Variants in MKLN1 observed in about 807,000 individuals in gnomAD.
MKLN1 encodes muskelin.
Under a neutral mutation model 99.0 loss-of-function variants are expected in MKLN1, and 18 were observed. That is an observed-to-expected ratio of 0.18 (90% CI 0.13 to 0.27). MKLN1 has a LOEUF of 0.27. Among genes scored for constraint, MKLN1 ranks in the 10% least tolerant of loss-of-function variants. MKLN1 has a pLI of 1.00. For synonymous variants in MKLN1, 288 were observed against 293.2 expected, an observed-to-expected ratio of 0.98 and a Z score of 0.18; for missense variants, 621 against 875.9, an observed-to-expected ratio of 0.71 and a Z score of 3.67.
rs1673591043 is a variant in MKLN1, at chr7:131,491,018, G to A, written c.*3290G>A. 2 of 152,130 alleles carry A rather than the reference G, an allele frequency of 1.3e-5. No individual in the cohort carries two copies. Among genetic ancestry groups the A allele is most frequent in the South Asian group, 2.1e-4 (1 of 4,810 alleles). 9.4% of individuals were successfully genotyped at this position (152,130 alleles called of 1,614,324 possible). A position where few individuals can be genotyped will look rare whatever the true frequency, so the allele number is the denominator to read the frequency against. ...TCTCTAAATTATACTCAATTTCATG[G>A]TAATTACATGAAGAAGTTACCTGCA... On this transcript the variant is annotated 3_prime_UTR_variant, in exon 18 of 18. Transcript: ENST00000352689.
rs531710562 is a variant in MKLN1, at chr7:131,196,145, T to C, written c.-296-6712T>C. ...AGTTATTAAAAATTATCACTTAGCC[T>C]CTCCACATTCAGTTGTTTTACCTAT... On this transcript the variant is annotated intron_variant, in intron 2 of 7. Coordinates refer to the MKLN1 transcript ENST00000416992. Among the ~76,000 whole-genome samples the C allele has an allele frequency of 7.2e-5, 11 of 152,302 alleles. No individual in the cohort carries two copies. In the East Asian group the frequency reaches 2.1e-3, roughly 29 times the overall value.
intron 3 of MKLN1, among the ~76,000 whole-genome samples, chr7:131,233,367 C>T (rs1797270919): frequency 3.5e-5 from 3 of 85,766 alleles, no homozygotes; most frequent in Admixed American, 2.6e-4. Flanking sequence ...GAGACCCTGT[C>T]TCCAAAAAAT....
At chr7:131,402,255 G>A (rs1794570673) in intron 6 of MKLN1, among the ~76,000 whole-genome samples, 1 of 152,114 alleles carries the variant, frequency 6.6e-6, no homozygotes, top group South Asian at 2.1e-4. Context: ...CACTTTATTT[G>A]CTCATTCATA....
chr7:131,394,619 T>A (rs1188888872), intron 4 of MKLN1, among the ~76,000 whole-genome samples: 13 of 152,140 alleles, frequency 8.5e-5, no homozygotes. Flanking sequence ...TGTACAGGTT[T>A]GGGCCTGGGG....
At chr7:131,443,737 T>G in intron 11 of MKLN1, 35 bp downstream of exon 11, 1 of 1,397,006 alleles carries the variant, frequency 7.2e-7, no homozygotes, top group Admixed American at 1.7e-5. Context: ...AAATGTTATT[T>G]TGTCATGTAT....
chr7:131,444,717 TGAGTAGTAGTAG>T (rs1563351725), intron 11 of MKLN1, among the ~76,000 whole-genome samples: 1 of 121,298 alleles, frequency 8.2e-6, no homozygotes, highest in African/African-American at 2.9e-5. Flanking sequence ...ACCTGGGTTT[TGAGTAGTAGTAG>T]TAGTAGTAGT....
intron 2 of MKLN1, among the ~76,000 whole-genome samples, chr7:131,187,883 G>A (rs1297660684): frequency 6.6e-6 from 1 of 152,148 alleles, no homozygotes; most frequent in Non-Finnish European, 1.5e-5. Flanking sequence ...TTGAACCCAG[G>A]AGGTGGAGGT....
intron 3 of MKLN1, among the ~76,000 whole-genome samples, chr7:131,295,659 A>G (rs1432990970): frequency 6.6e-6 from 1 of 152,128 alleles, no homozygotes; most frequent in Non-Finnish European, 1.5e-5. Flanking sequence ...CAAGGTGGGA[A>G]GATCACTTGA....
chr7:131,459,491 G>A (rs776476114), intron 12 of MKLN1, among the ~76,000 whole-genome samples: 1 of 152,192 alleles, frequency 6.6e-6, no homozygotes, highest in Non-Finnish European at 1.5e-5. Flanking sequence ...AGAAGAAGGT[G>A]AGAAAGAACT....
At chr7:131,475,242 G>A (rs529263431) in intron 16 of MKLN1, among the ~76,000 whole-genome samples, 8 of 152,218 alleles carry the variant, frequency 5.3e-5, no homozygotes, top group Admixed American at 2.6e-4. Context: ...TTGACAAGCC[G>A]CAACTTGATG....
At chr7:131,271,968 C>G (rs1027535055) in intron 3 of MKLN1, among the ~76,000 whole-genome samples, 21 of 152,176 alleles carry the variant, frequency 1.4e-4, no homozygotes, top group African/African-American at 4.6e-4. Flanking sequence ...GTTTATGGAA[C>G]TGGCCCAAAC....
chr7:131,149,877 A>G (rs555948645), intron 2 of MKLN1, among the ~76,000 whole-genome samples: 1 of 152,312 alleles, frequency 6.6e-6, no homozygotes, highest in East Asian at 1.9e-4. Context: ...CTGGTCATCA[A>G]ATTAAAACAC....
intron 2 of MKLN1, among the ~76,000 whole-genome samples, chr7:131,161,334 G>A (rs1796045167): frequency 6.6e-6 from 1 of 152,178 alleles, no homozygotes. Flanking sequence ...GTAGCCACGG[G>A]TCACATGTGG....
intron 2 of MKLN1, among the ~76,000 whole-genome samples, chr7:131,170,169 A>G (rs1388428924): frequency 6.6e-6 from 1 of 152,210 alleles, no homozygotes; most frequent in Non-Finnish European, 1.5e-5. Flanking sequence ...GATCACCCTC[A>G]TCATAGCTAA....
intron 12 of MKLN1, among the ~76,000 whole-genome samples, chr7:131,447,799 A>G (rs1796058503): frequency 6.6e-6 from 1 of 152,192 alleles, no homozygotes; most frequent in Admixed American, 6.5e-5. Flanking sequence ...ATACCAGAAT[A>G]TCTTTAATTG....
At chr7:131,455,760 A>C (rs1490712225) in intron 12 of MKLN1, among the ~76,000 whole-genome samples, 4 of 152,160 alleles carry the variant, frequency 2.6e-5, no homozygotes, top group Non-Finnish European at 4.4e-5. Flanking sequence ...GAAACTGTTA[A>C]ATTGGCCAGG....
chr7:131,279,350 C>A (rs1798017845), intron 3 of MKLN1, among the ~76,000 whole-genome samples: 1 of 152,166 alleles, frequency 6.6e-6, no homozygotes, highest in Admixed American at 6.5e-5. Flanking sequence ...GTAATGATCT[C>A]ATGACATGCA....
intron 3 of MKLN1, among the ~76,000 whole-genome samples, chr7:131,262,537 GT>G (rs199522733): frequency 8.0e-5 from 12 of 150,866 alleles, no homozygotes; most frequent in South Asian, 2.1e-4. Flanking sequence ...TTGTTATTAT[GT>G]TTTTTTTTCT....
chr7:131,232,575 C>T lies in MKLN1; in HGVS notation c.-179+29601C>T, dbSNP rs1057287090. 6.6e-5 allele frequency among the ~76,000 whole-genome samples: 10 copies of T among 152,242 alleles called. No homozygotes were observed. In the South Asian group the frequency reaches 2.1e-3, roughly 32 times the overall value. On this transcript the variant is annotated intron_variant, in intron 3 of 7. Coordinates refer to the MKLN1 transcript ENST00000416992. ...ACCTTCCTAGAATTATAATGACATC[C>T]AATGATTAACTGATTTGCCAATCTC...
Sources: gnomAD v4.1 joint callset for allele counts (sites outside exome capture counted in the v4.1 genomes callset) on GRCh38, gnomAD v4.1.1 for gene constraint, MANE v1.5 for transcripts, NCBI Gene and HGNC (gene_info 2026-07-23, HGNC 2026-07-21) for gene names.